The following PLCL2 variants were observed in gnomAD, a reference collection of about 807,000 sequenced individuals.
The protein encoded by PLCL2 is phospholipase C like 2.
In PLCL2, 4 loss-of-function variants were observed where a neutral mutation model predicts 79.6. That is an observed-to-expected ratio of 0.05 (90% CI 0.02 to 0.11). The LOEUF (loss-of-function observed/expected upper bound fraction) is 0.11, where lower values mean the gene tolerates loss of function less well. PLCL2 is among the 10% of genes least tolerant of loss of function. The pLI is 1.00. For synonymous variants in PLCL2, 484 were observed against 457.7 expected (o/e 1.06, Z -0.73); for missense variants, 895 against 1,291.0 (o/e 0.69, Z 4.70).
chr3:16,897,390 C>T (rs796560351), intron 1 of PLCL2, among the ~76,000 whole-genome samples: 47 of 151,994 alleles, frequency 3.1e-4, no homozygotes, highest in African/African-American at 1.1e-3. Flanking sequence ...CCTGTAGTTC[C>T]TGGCGAGTCC....
At chr3:17,039,203 C>T (rs542100336) in intron 3 of PLCL2, among the ~76,000 whole-genome samples, 29 of 152,350 alleles carry the variant, frequency 1.9e-4, no homozygotes, top group South Asian at 4.1e-4. Flanking sequence ...AAAGTGGCCC[C>T]TGCTAGATCA....
chr3:16,939,578 A>G (rs1697626727), intron 1 of PLCL2, among the ~76,000 whole-genome samples: 2 of 152,356 alleles, frequency 1.3e-5, no homozygotes, highest in South Asian at 4.1e-4. Context: ...AAACTATCAG[A>G]TATGTGTGTG....
intron 1 of PLCL2, among the ~76,000 whole-genome samples, chr3:16,919,097 G>C (rs1475343357): frequency 6.6e-6 from 1 of 151,940 alleles, no homozygotes; most frequent in East Asian, 1.9e-4. Flanking sequence ...TTATTTGTTT[G>C]AACCAAAAAA....
intron 1 of PLCL2, among the ~76,000 whole-genome samples, chr3:16,902,342 A>G (rs1696641390): frequency 6.6e-6 from 1 of 152,322 alleles, no homozygotes; most frequent in South Asian, 2.1e-4. Flanking sequence ...AAGAGAAATG[A>G]TCAGTTCTGA....
intron 1 of PLCL2, among the ~76,000 whole-genome samples, chr3:16,965,395 C>A (rs1385821441): frequency 6.6e-6 from 1 of 152,068 alleles, no homozygotes; most frequent in Admixed American, 6.6e-5. Context: ...TGTTTTGGTA[C>A]CAGTACCATG....
At chr3:17,040,053 C>T (rs1475871101) in intron 3 of PLCL2, among the ~76,000 whole-genome samples, 1 of 152,148 alleles carries the variant, frequency 6.6e-6, no homozygotes, top group Non-Finnish European at 1.5e-5. Flanking sequence ...AATAGCAATC[C>T]CACCTTTTTA....
intron 1 of PLCL2, among the ~76,000 whole-genome samples, chr3:16,967,986 G>A (rs1415702307): frequency 1.3e-5 from 2 of 152,078 alleles, no homozygotes; most frequent in African/African-American, 4.8e-5. Context: ...CATATGGCTA[G>A]CCAGTTATCC....
intron 3 of PLCL2, among the ~76,000 whole-genome samples, chr3:17,032,678 T>C (rs1450327265): frequency 6.6e-6 from 1 of 152,172 alleles, no homozygotes; most frequent in Non-Finnish European, 1.5e-5. Flanking sequence ...CAGTGCGCAT[T>C]GGACACACAG....
intron 5 of PLCL2, among the ~76,000 whole-genome samples, chr3:17,087,710 C>T (rs551188252): frequency 4.6e-5 from 7 of 152,026 alleles, no homozygotes; most frequent in Admixed American, 1.3e-4. Context: ...CACTGTGGTG[C>T]GGGATGTGGC....
chr3:17,004,913 T>G (rs1360554520), intron 1 of PLCL2, among the ~76,000 whole-genome samples: 1 of 152,120 alleles, frequency 6.6e-6, no homozygotes, highest in Non-Finnish European at 1.5e-5. Context: ...TATTTCAGAT[T>G]AAATAACTTG....
chr3:17,082,139 GTT>G (rs58877063), intron 5 of PLCL2, among the ~76,000 whole-genome samples: 1 of 101,330 alleles, frequency 9.9e-6, no homozygotes. Flanking sequence ...CTCTTTCAGA[GTT>G]TTTTTTTTTT....
At chr3:17,059,450 G>GTATATATATATATACACT (rs1553649917) in intron 4 of PLCL2, among the ~76,000 whole-genome samples, 1 of 147,146 alleles carries the variant, frequency 6.8e-6, no homozygotes, top group Non-Finnish European at 1.5e-5. Context: ...ATGTGTGTGT[G>GTATATATATATATACACT]TGTATATATA....
In PLCL2 at chr3:17,010,821, C is replaced by G; in HGVS notation, c.1475C>G (p.Ser492Cys). Reference sequence around the variant, plus strand: ...ATTTACACAGGCCACACCATGACCTCTCAGATAGTTTTCCGCAGTGTCATT... The same window carrying G: ...ATTTACACAGGCCACACCATGACCTGTCAGATAGTTTTCCGCAGTGTCATT... Reference protein sequence around the residue: ...PVIYTGHTMTSQIVFRSVIDI... With the variant: ...PVIYTGHTMTCQIVFRSVIDI... The change falls in exon 2 of 6, where the codon TCT becomes TGT. Residue 492 changes from serine to cysteine, a missense_variant. Around this residue, in one of 6 missense-constraint regions of PLCL2, gnomAD observed 242 missense variants for 399.5 expected, o/e 0.61. Coordinates refer to ENST00000615277, the MANE Select transcript of PLCL2 (RefSeq NM_001144382.2). This position sits in a 1 kb window ranked among gnomAD's most constrained non-coding sequence, Gnocchi z 5.8. 1.9e-6 allele frequency: 3 copies of G among 1,614,198 alleles called. No individual in the cohort carries two copies. Among genetic ancestry groups the G allele is most frequent in the Non-Finnish European group, 2.5e-6 (3 of 1,180,028 alleles).
chr3:17,016,912 T>A (rs1189374254), intron 3 of PLCL2, among the ~76,000 whole-genome samples: 3 of 152,186 alleles, frequency 2.0e-5, no homozygotes, highest in Non-Finnish European at 4.4e-5. Context: ...CATGGCGAGC[T>A]TTTTAACAGG....
chr3:16,893,567 T>C lies in PLCL2; in HGVS notation c.327+8201T>C, dbSNP rs558005342. On this transcript the variant is annotated intron_variant, in intron 1 of 5. Coordinates refer to ENST00000615277, the MANE Select transcript of PLCL2 (RefSeq NM_001144382.2). ...AGATTTTCACAGCGGAAAGAGATCA[T>C]GTAAAATTCTTTTGTAGTTAGAGAT... Among the ~76,000 whole-genome samples, 9 of 152,344 alleles carry C rather than the reference T, an allele frequency of 5.9e-5. No individual in the cohort carries two copies. The South Asian group carries it at 1.7e-3, about 28-fold the overall frequency.
intron 1 of PLCL2, among the ~76,000 whole-genome samples, chr3:16,965,120 C>T (rs2063793677): frequency 6.6e-6 from 1 of 151,944 alleles, no homozygotes; most frequent in South Asian, 2.1e-4. Context: ...AATGGTATTG[C>T]CCAGGTTTTC....
At position 17,011,152 on chromosome 3, in the gene PLCL2, G is replaced by A; in HGVS notation, c.1806G>A (p.Glu602=). 1 of 1,614,130 alleles carries A rather than the reference G, an allele frequency of 6.2e-7. No homozygotes were observed. Among genetic ancestry groups the A allele is most frequent in the South Asian group, 1.1e-5 (1 of 91,076 alleles). ...AGAGGATGGGAAAAGAGAACATGGA[G>A]CAACCCAATAATGTGCCTGTGAAGC... ...MSQRMGKENM[E]QPNNVPVKRF... is the part of the protein sequence containing the mutation. Residue 602 remains glutamate, a synonymous_variant, in exon 2 of 6, where the codon GAG becomes GAA. Transcript: ENST00000615277. The surrounding 1 kb of genome is among the most constrained non-coding windows in gnomAD (Gnocchi z 7.9).
chr3:17,036,741 T>G (rs2064660712), intron 3 of PLCL2, among the ~76,000 whole-genome samples: 2 of 152,216 alleles, frequency 1.3e-5, no homozygotes, highest in Non-Finnish European at 2.9e-5. Flanking sequence ...CCATTTTGTG[T>G]TGTTGAAACA....
intron 4 of PLCL2, among the ~76,000 whole-genome samples, chr3:17,053,005 T>C (rs2124930389): frequency 6.6e-6 from 1 of 152,346 alleles, no homozygotes; most frequent in South Asian, 2.1e-4. Context: ...TTTGACTGCA[T>C]GCAGAGTCAA....
Sources: gnomAD v4.1 joint callset for allele counts (sites outside exome capture counted in the v4.1 genomes callset) on GRCh38, gnomAD v4.1.1 for gene constraint, gnomAD v4.1.1 regional missense constraint, Gnocchi (gnomAD v3.1) non-coding constraint, MANE v1.5 for transcripts, NCBI Gene and HGNC (gene_info 2026-07-23, HGNC 2026-07-21) for gene names.